Variants in DUSP22 observed in about 807,000 individuals in gnomAD.
The protein encoded by DUSP22 is dual specificity phosphatase 22, also known as dual specificity protein phosphatase 22.
Under a neutral mutation model 24.5 loss-of-function variants are expected in DUSP22, and 24 were observed. The observed-to-expected ratio is 0.98, with a 90% CI of 0.71 to 1.38. The LOEUF (loss-of-function observed/expected upper bound fraction) is 1.38. Ranked by LOEUF, DUSP22 falls within the 40% of genes most tolerant of loss-of-function variation. The pLI, the probability that DUSP22 is intolerant of heterozygous loss-of-function variation, is 0.00. For missense variants in DUSP22, 330 were observed against 269.2 expected (o/e 1.23, Z -1.58); for synonymous variants, 160 against 106.4 (o/e 1.50, Z -3.10).
intron 2 of DUSP22, among the ~76,000 whole-genome samples, chr6:308,993 G>A (rs557552942): frequency 2.3e-4 from 35 of 152,408 alleles, no homozygotes; most frequent in African/African-American, 8.4e-4. Flanking sequence ...GGCTTTGTCT[G>A]TTTCACTGCT....
At chr6:308,675 C>T (rs1009533145) in intron 2 of DUSP22, among the ~76,000 whole-genome samples, 28 of 152,300 alleles carry the variant, frequency 1.8e-4, no homozygotes, top group African/African-American at 4.8e-4. Context: ...AGCATATTTA[C>T]GGGGTGAAGA....
intron 4 of DUSP22, among the ~76,000 whole-genome samples, chr6:342,223 G>A (rs367661134): frequency 0.044 from 6,538 of 150,134 alleles, no homozygotes; most frequent in African/African-American, 0.15. Flanking sequence ...TTACTCAGGC[G>A]GTCGTCATTC....
intron 1 of DUSP22, among the ~76,000 whole-genome samples, chr6:298,952 TGA>T (rs1321227030): frequency 2.6e-5 from 4 of 152,294 alleles, no homozygotes; most frequent in Admixed American, 1.3e-4. Context: ...CAAGGCGATA[TGA>T]GAGAGAGAGT....
At chr6:334,209 A>G (rs1403579799) in intron 3 of DUSP22, among the ~76,000 whole-genome samples, 1 of 152,310 alleles carries the variant, frequency 6.6e-6, no homozygotes, top group Non-Finnish European at 1.5e-5. Flanking sequence ...TACCCCTAAC[A>G]TTGTCTGTGA....
At chr6:333,340 C>G (rs1262779290) in intron 3 of DUSP22, among the ~76,000 whole-genome samples, 2 of 152,414 alleles carry the variant, frequency 1.3e-5, no homozygotes, top group South Asian at 2.1e-4. Context: ...TGTGGATAAA[C>G]AGCAATAAAG....
intron 1 of DUSP22, among the ~76,000 whole-genome samples, chr6:298,881 C>G (rs868202215): frequency 1.0e-3 from 159 of 152,052 alleles, no homozygotes; most frequent in Middle Eastern, 6.8e-3. Flanking sequence ...AAGATCAGTC[C>G]GAAAGTAAGG....
intron 3 of DUSP22, among the ~76,000 whole-genome samples, chr6:312,663 G>A (rs1350367511): frequency 6.6e-6 from 1 of 152,306 alleles, no homozygotes; most frequent in African/African-American, 2.4e-5. Flanking sequence ...ATTTTAGGGT[G>A]GGGTGTTGGA....
Position 348,999 on chromosome 6 carries a change from C to T in DUSP22, c.*48C>T. 6.5e-7 allele frequency: 1 copy of T among 1,549,552 alleles called. No individual in the cohort carries two copies. The highest frequency in any genetic ancestry group is 1.9e-4 in the Middle Eastern group (1 of 5,258). ...TTCCCACTGCTTGTCTTCAGTGTGC[C>T]CGGCTGGGCAGGGGTGCGGTGGTGG... On this transcript the variant is annotated 3_prime_UTR_variant, in exon 7 of 7. Transcript: ENST00000419235.
chr6:333,473 CTG>C (rs1326664495), intron 3 of DUSP22, among the ~76,000 whole-genome samples: 3 of 152,304 alleles, frequency 2.0e-5, no homozygotes, highest in Middle Eastern at 3.2e-3. Context: ...CATACAGAAA[CTG>C]TGAGGGGAAA....
chr6:306,825 A>G (rs1461247844), intron 2 of DUSP22, among the ~76,000 whole-genome samples: 1 of 152,310 alleles, frequency 6.6e-6, no homozygotes, highest in Non-Finnish European at 1.5e-5. Context: ...GGTGCAGAAC[A>G]GGAAGGGGCC....
rs1489799125 is a variant in DUSP22 at position 350,049 on chromosome 6, A to G, written c.*1098A>G. 2.0e-6 allele frequency: 2 copies of G among 985,520 alleles called. No homozygotes were observed. The highest frequency in any genetic ancestry group is 1.2e-6 in the Non-Finnish European group (1 of 830,020). The allele number at this position is 985,520 out of a possible 1,614,324, so 61.0% of individuals were successfully genotyped here. On this transcript the variant is annotated 3_prime_UTR_variant, in exon 7 of 7. Coordinates refer to ENST00000419235, the MANE Select transcript of DUSP22 (RefSeq NM_001286555.3). ...TTTTAAAATGCCTGAGCATTTATTA[A>G]GCTTCTTGGTATTCACTTGGGTTTG...
At chr6:306,688 A>G (rs1392386846) in intron 2 of DUSP22, among the ~76,000 whole-genome samples, 1 of 152,310 alleles carries the variant, frequency 6.6e-6, no homozygotes, top group African/African-American at 2.4e-5. Flanking sequence ...GAAGGAGAGG[A>G]AGTATTTTCC....
intron 3 of DUSP22, among the ~76,000 whole-genome samples, chr6:327,874 G>A (rs1389767374): frequency 5.9e-5 from 9 of 152,308 alleles, no homozygotes; most frequent in African/African-American, 1.9e-4. Context: ...GGTTGCTGGA[G>A]TTTGAGGAGC....
chr6:336,703 G>T (rs1759375428), intron 4 of DUSP22, among the ~76,000 whole-genome samples: 1 of 152,306 alleles, frequency 6.6e-6, no homozygotes, highest in Non-Finnish European at 1.5e-5. Context: ...ACAGAAAGGT[G>T]AACGTTTAAG....
chr6:333,770 C>T (rs1015387505), intron 3 of DUSP22, among the ~76,000 whole-genome samples: 8 of 152,294 alleles, frequency 5.3e-5, no homozygotes, highest in Admixed American at 2.0e-4. Context: ...GTGCTCTGCC[C>T]CCGCCCTGCG....
intron 2 of DUSP22, among the ~76,000 whole-genome samples, chr6:308,724 C>G (rs1333694597): frequency 2.7e-4 from 41 of 152,298 alleles, no homozygotes; most frequent in Admixed American, 2.7e-3. Context: ...ATTGTGCAGC[C>G]TTGTGAACGT....
chr6:334,079 A>G (rs1267511812), intron 3 of DUSP22, among the ~76,000 whole-genome samples: 2 of 152,306 alleles, frequency 1.3e-5, no homozygotes, highest in Non-Finnish European at 2.9e-5. Flanking sequence ...TTTGTGACTA[A>G]TTACTGAAGA....
At chr6:294,424 C>A (rs1186492118) in intron 1 of DUSP22, among the ~76,000 whole-genome samples, 1 of 152,284 alleles carries the variant, frequency 6.6e-6, no homozygotes, top group African/African-American at 2.4e-5. Flanking sequence ...TACAGGTCAG[C>A]ATTGTCCAGC....
At chr6:294,889 C>T (rs1352607752) in intron 1 of DUSP22, among the ~76,000 whole-genome samples, 1 of 152,256 alleles carries the variant, frequency 6.6e-6, no homozygotes, top group Non-Finnish European at 1.5e-5. Flanking sequence ...ATGAAAGTGA[C>T]CTAGAAGGGG....
Sources: gnomAD v4.1 joint callset for allele counts (sites outside exome capture counted in the v4.1 genomes callset) on GRCh38, gnomAD v4.1.1 for gene constraint, MANE v1.5 for transcripts, NCBI Gene and HGNC (gene_info 2026-07-23, HGNC 2026-07-21) for gene names.